The following IRF8 variants were observed in gnomAD, a reference collection of about 807,000 sequenced individuals.
The protein encoded by IRF8 is interferon consensus sequence binding protein 1.
A neutral mutation model predicts 48.7 loss-of-function variants in IRF8; 14 were observed. The ratio of observed to expected loss-of-function variants is 0.29; its 90% CI spans 0.19 to 0.45. The LOEUF (loss-of-function observed/expected upper bound fraction) is 0.45. Among genes scored for constraint, IRF8 ranks in the 20% least tolerant of loss-of-function variants. IRF8 has a pLI of 1.00. For synonymous variants in IRF8, 278 were observed against 227.3 expected, an observed-to-expected ratio of 1.22 and a Z score of -2.01; for missense variants, 493 against 580.7, an observed-to-expected ratio of 0.85 and a Z score of 1.55.
chr16:85,911,376 A>G (rs1301507228), intron 3 of IRF8, among the ~76,000 whole-genome samples, 194 bp from the exon 4 acceptor site: 1 of 152,112 alleles, frequency 6.6e-6, no homozygotes, highest in Non-Finnish European at 1.5e-5. Context: ...ACCACCACCA[A>G]CTTCTCTCTT....
In IRF8 at chr16:85,912,477, G is replaced by C. The variant is rs550249195; in HGVS notation, c.448-654G>C. 9.9e-5 allele frequency among the ~76,000 whole-genome samples: 15 copies of C among 152,264 alleles called. No individual in the cohort carries two copies. In the South Asian group the frequency reaches 1.2e-3, roughly 13 times the overall value. On this transcript the variant is annotated intron_variant, in intron 4 of 8. Transcript: ENST00000268638. Reference sequence around the variant, plus strand: ...GAAGATAACAGAATGTAACCTACCCGAACGGCCTTGCTCTTCTGCACAGGC... The same window carrying C: ...GAAGATAACAGAATGTAACCTACCCCAACGGCCTTGCTCTTCTGCACAGGC...
Position 85,913,243 on chromosome 16 carries a change from G to A in IRF8, c.553+7G>A, listed in dbSNP as rs756668587. 4.4e-6 allele frequency: 7 copies of A among 1,603,606 alleles called. No individual in the cohort carries two copies. The highest frequency in any genetic ancestry group is 3.3e-5 in the Admixed American group (2 of 60,008). On this transcript the variant is annotated splice_region_variant and intron_variant, in intron 5 of 8. Coordinates refer to ENST00000268638, the MANE Select transcript of IRF8 (RefSeq NM_002163.4). The stretch of plus-strand genomic sequence containing the variant: ...GCGCAGCAGCCCAGCACAGGTGAGG[G>A]TGGGTGGCCTAGAATTGTCACCAGG...
intron 4 of IRF8, among the ~76,000 whole-genome samples, chr16:85,911,984 A>G (rs1188276384): frequency 6.6e-6 from 1 of 152,226 alleles, no homozygotes; most frequent in Non-Finnish European, 1.5e-5. Flanking sequence ...TTTAAATGGC[A>G]TCGTGAATTC....
At chr16:85,912,378 G>T (rs911431373) in intron 4 of IRF8, among the ~76,000 whole-genome samples, 1 of 152,248 alleles carries the variant, frequency 6.6e-6, no homozygotes, top group African/African-American at 2.4e-5. Context: ...TTGTGTGTGA[G>T]TACTGCATAA....
At position 85,920,123 on chromosome 16, in the gene IRF8, T is replaced by A. The variant is rs761450784; in HGVS notation, c.1003T>A (p.Tyr335Asn). The A allele has an allele frequency of 6.2e-7, 1 of 1,613,992 alleles. No individual in the cohort carries two copies. Among genetic ancestry groups the A allele is most frequent in the South Asian group, 1.1e-5 (1 of 91,072 alleles). ...TGTCATTCCAGAGCTGCAGCAGTTC[T>A]ATAACAGCCAGGGCCGGCTTCCTGA... is the stretch of plus-strand genomic sequence containing the variant. ...SQFFRELQQF[Y>N]NSQGRLPDGR... Residue 335 changes from tyrosine (Y) to asparagine (N), a missense_variant, in exon 8 of 9, where the codon TAT becomes AAT. This residue lies in a region of IRF8 where 408 missense variants were observed against 449.6 expected (regional missense o/e 0.91). Transcript: ENST00000268638.
At chr16:85,906,915 A>G (rs1008147791) in intron 2 of IRF8, among the ~76,000 whole-genome samples, 1 of 152,188 alleles carries the variant, frequency 6.6e-6, no homozygotes, top group African/African-American at 2.4e-5. Flanking sequence ...CCCAGCTGAT[A>G]TGTCAGGCTT....
intron 1 of IRF8, 55 bp from the exon 2 acceptor site, chr16:85,902,960 G>A (rs1399717190): frequency 8.1e-6 from 13 of 1,598,408 alleles, no homozygotes; most frequent in East Asian, 2.2e-5. Flanking sequence ...TTGGGTTGCT[G>A]TGATGAATGA....
At chr16:85,915,951 C>T (rs1287669911) in intron 6 of IRF8, among the ~76,000 whole-genome samples, 8 of 152,026 alleles carry the variant, frequency 5.3e-5, no homozygotes, top group Non-Finnish European at 7.4e-5. Flanking sequence ...TAAATCCATG[C>T]TTCAGTTTCC....
intron 3 of IRF8, 88 bp from the exon 4 acceptor site, chr16:85,911,482 C>A: frequency 8.8e-7 from 1 of 1,136,106 alleles, no homozygotes; most frequent in Non-Finnish European, 1.3e-6. Context: ...TTTCCTTAAA[C>A]TCAGCATTTA....
chr16:85,899,538 G>C (rs562313650), intron 1 of IRF8, among the ~76,000 whole-genome samples: 2 of 152,302 alleles, frequency 1.3e-5, no homozygotes, highest in African/African-American at 4.8e-5. Flanking sequence ...AACGGCAATA[G>C]CAACCCCCTA....
intron 3 of IRF8, among the ~76,000 whole-genome samples, chr16:85,910,200 C>T (rs555991146): frequency 6.6e-6 from 1 of 152,230 alleles, no homozygotes; most frequent in South Asian, 2.1e-4. Context: ...ACAGAGAATC[C>T]GAGGTGCTGG....
At position 85,902,536 on chromosome 16, in the gene IRF8, C is replaced by A. The variant is rs138703546; in HGVS notation, c.-1-479C>A. ...GCCTGAGGGCCTCCTCTTTCCCAGA[C>A]GGCACGGACGCAGTATTCTATCAGG... On this transcript the variant is annotated intron_variant, in intron 1 of 8. Transcript: ENST00000268638. Among the ~76,000 whole-genome samples the A allele has an allele frequency of 3.0e-3, 461 of 152,338 alleles. 1 individual carries two copies. Among genetic ancestry groups the A allele is most frequent in the African/African-American group, 0.01 (435 of 41,572 alleles).
intron 2 of IRF8, among the ~76,000 whole-genome samples, chr16:85,904,102 C>T (rs1904915187): frequency 6.6e-6 from 1 of 152,240 alleles, no homozygotes; most frequent in Non-Finnish European, 1.5e-5. Flanking sequence ...TCCAGATGTC[C>T]AGGTTTCACC....
intron 1 of IRF8, among the ~76,000 whole-genome samples, chr16:85,900,676 TG>T (rs1466683768): frequency 6.6e-6 from 1 of 152,246 alleles, no homozygotes; most frequent in Non-Finnish European, 1.5e-5. Context: ...CGTGCCTCTC[TG>T]GGCCTCAGTT....
chr16:85,915,979 A>G (rs1905291690), intron 6 of IRF8, among the ~76,000 whole-genome samples: 1 of 151,766 alleles, frequency 6.6e-6, no homozygotes, highest in Non-Finnish European at 1.5e-5. Flanking sequence ...GAAAATGGGT[A>G]TAATAATAAT....
chr16:85,919,549 C>T (rs770043554), intron 7 of IRF8, among the ~76,000 whole-genome samples: 1 of 152,174 alleles, frequency 6.6e-6, no homozygotes, highest in Admixed American at 6.5e-5. Flanking sequence ...GGTGTGAGGC[C>T]GCGGTTATCA....
chr16:85,920,060 A>C (rs755349053), intron 7 of IRF8, 49 bp from the exon 8 acceptor site: 4 of 1,343,832 alleles, frequency 3.0e-6, no homozygotes, highest in Non-Finnish European at 4.3e-6. Context: ...CGGGAGTTGG[A>C]GGTCATCTCG....
At chr16:85,906,863 A>G (rs1013310608) in intron 2 of IRF8, among the ~76,000 whole-genome samples, 16 of 151,970 alleles carry the variant, frequency 1.1e-4, no homozygotes, top group African/African-American at 3.9e-4. Flanking sequence ...ATGCCGCTGA[A>G]TATTCTACAA....
At chr16:85,899,594 A>G (rs1904760640) in intron 1 of IRF8, among the ~76,000 whole-genome samples, 1 of 152,318 alleles carries the variant, frequency 6.6e-6, no homozygotes, top group African/African-American at 2.4e-5. Flanking sequence ...ACCACGTGGA[A>G]TAATGCTTGG....
Sources: allele counts gnomAD v4.1 joint callset (sites outside exome capture counted in the v4.1 genomes callset), GRCh38; gene constraint gnomAD v4.1.1; regional missense constraint gnomAD v4.1.1; transcripts MANE v1.5; gene names NCBI Gene and HGNC (gene_info 2026-07-23, HGNC 2026-07-21).